TOMM7: variants seen among roughly 807,000 people sequenced by gnomAD.
TOMM7 encodes the protein translocase of outer mitochondrial membrane 7.
A neutral mutation model predicts 9.5 loss-of-function variants in TOMM7; 8 were observed. The observed-to-expected ratio is 0.84, with a 90% CI of 0.49 to 1.51. The LOEUF (loss-of-function observed/expected upper bound fraction) is 1.51. TOMM7 is among the 40% of genes most tolerant of loss of function. TOMM7 has a pLI of 0.00. For missense variants in TOMM7, 74 were observed against 63.7 expected (o/e 1.16, Z -0.55); for synonymous variants, 27 against 21.4 (o/e 1.26, Z -0.72).
chr7:22,819,911 G>A (rs1782365260), intron 1 of TOMM7, among the ~76,000 whole-genome samples: 3 of 152,146 alleles, frequency 2.0e-5, no homozygotes, highest in South Asian at 4.1e-4. Context: ...CTCTATTATC[G>A]TGCCACTGCT....
intron 1 of TOMM7, chr7:22,822,068 TG>T: frequency 6.9e-7 from 1 of 1,448,466 alleles, no homozygotes; most frequent in East Asian, 2.5e-5. Flanking sequence ...TGGGCTCTGA[TG>T]CCCCACTGCC....
At chr7:22,819,456 C>T (rs1481750265) in intron 1 of TOMM7, among the ~76,000 whole-genome samples, 1 of 152,094 alleles carries the variant, frequency 6.6e-6, no homozygotes, top group Non-Finnish European at 1.5e-5. Flanking sequence ...CAACCTTCAC[C>T]TACTCCCGGG....
In TOMM7 at chr7:22,822,685, A is replaced by G; in HGVS notation, c.95T>C (p.Ile32Thr). The G allele has an allele frequency of 6.2e-7, 1 of 1,613,690 alleles. No individual in the cohort carries two copies. Among genetic ancestry groups the G allele is most frequent in the Non-Finnish European group, 8.5e-7 (1 of 1,179,630 alleles). The change falls in exon 1 of 3, where the codon ATT (isoleucine) becomes ACT (threonine). Residue 32 changes from isoleucine (I) to threonine (T), a missense_variant. By Grantham distance (89) the Ile-to-Thr change is moderately conservative. Coordinates refer to ENST00000358435, the MANE Select transcript of TOMM7 (RefSeq NM_019059.5). ...GTTCTTCTCCCACTGACCCAGGTAAATCACAAGAGGGATAAAGCCCCAGCG... is the reference window on the plus strand; with the variant it reads ...GTTCTTCTCCCACTGACCCAGGTAAGTCACAAGAGGGATAAAGCCCCAGCG... ...AIRWGFIPLV[I>T]YLGFKRGADP...
rs1933204242 is a variant in TOMM7 at position 22,822,811 on chromosome 7, T to C, written c.-32A>G. 5 of 1,564,580 alleles carry C rather than the reference T, an allele frequency of 3.2e-6. No homozygotes were observed. The African/African-American group carries it at 4.1e-5, about 13-fold the overall frequency. On this transcript the variant is annotated 5_prime_UTR_variant, in exon 1 of 3. Coordinates refer to ENST00000358435, the MANE Select transcript of TOMM7 (RefSeq NM_019059.5). Reference sequence around the variant, plus strand: ...GGCCGTGTGGCGCAGGGAGGACCCCTTACAGCAACCACAGCGTCGGGAATC... The same window carrying C: ...GGCCGTGTGGCGCAGGGAGGACCCCCTACAGCAACCACAGCGTCGGGAATC...
intron 1 of TOMM7, chr7:22,822,298 C>T: frequency 3.9e-6 from 6 of 1,544,982 alleles, no homozygotes; most frequent in Non-Finnish European, 4.4e-6. Flanking sequence ...GAACAGGACT[C>T]TTTCCACTTA....
intron 1 of TOMM7, among the ~76,000 whole-genome samples, chr7:22,820,281 C>T (rs1225266009): frequency 1.3e-5 from 2 of 152,128 alleles, no homozygotes; most frequent in African/African-American, 4.8e-5. Flanking sequence ...TCTCATATAA[C>T]TTGAATTGAA....
chr7:22,815,748 C>T (rs532600067), intron 2 of TOMM7, among the ~76,000 whole-genome samples: 1 of 151,748 alleles, frequency 6.6e-6, no homozygotes, highest in Admixed American at 6.6e-5. Flanking sequence ...TTCGGGAGGT[C>T]GAGGCAGGAT....
chr7:22,822,648 G>C (rs1405415433), intron 1 of TOMM7, 29 bp downstream of exon 1: 1 of 1,589,750 alleles, frequency 6.3e-7, no homozygotes, highest in South Asian at 1.1e-5. Flanking sequence ...CTTCCCTCCA[G>C]TCACTTTCCC....
intron 1 of TOMM7, among the ~76,000 whole-genome samples, chr7:22,819,372 A>G (rs936083256): frequency 6.7e-5 from 6 of 89,462 alleles, no homozygotes; most frequent in Admixed American, 6.5e-4. Flanking sequence ...ATAAAACACT[A>G]TTCTTTTTTT....
chr7:22,818,719 A>G (rs1782348203), intron 1 of TOMM7, among the ~76,000 whole-genome samples: 1 of 152,144 alleles, frequency 6.6e-6, no homozygotes, highest in South Asian at 2.1e-4. Context: ...ACAACTCCCA[A>G]ATTATACTGG....
chr7:22,814,227 G>A (rs982929364), intron 2 of TOMM7, among the ~76,000 whole-genome samples: 1 of 151,254 alleles, frequency 6.6e-6, no homozygotes, highest in Non-Finnish European at 1.5e-5. Context: ...GTGCATGCCT[G>A]TAATACCAGC....
At position 22,822,390 on chromosome 7, in the gene TOMM7, G is replaced by C. The variant is rs139669562; in HGVS notation, c.103+287C>G. 9 of 1,103,302 alleles carry C rather than the reference G, an allele frequency of 8.2e-6. No homozygotes were observed. The East Asian group carries it at 1.8e-4, about 22-fold the overall frequency. The allele number at this position is 1,103,302 out of a possible 1,614,324, so 68.3% of individuals were successfully genotyped here. A position where few individuals can be genotyped will look rare whatever the true frequency, so the allele number is the denominator to read the frequency against. On this transcript the variant is annotated intron_variant, in intron 1 of 2. Coordinates refer to ENST00000358435, the MANE Select transcript of TOMM7 (RefSeq NM_019059.5). ...GAATTAGTGACTTTCACATCCACTG[G>C]GGTCATCCAACCCTCCCTACAATCC... is the stretch of plus-strand genomic sequence containing the variant.
intron 1 of TOMM7, chr7:22,822,184 C>T: frequency 6.4e-7 from 1 of 1,550,768 alleles, no homozygotes; most frequent in Non-Finnish European, 8.7e-7. Context: ...TAGAAATCAT[C>T]CAAACCCTTC....
intron 1 of TOMM7, 149 bp from the exon 2 acceptor site, chr7:22,818,197 G>T: frequency 1.6e-6 from 1 of 644,472 alleles, no homozygotes; most frequent in Non-Finnish European, 2.7e-6. Context: ...ATTTACCTAC[G>T]CTACAGAAGT....
At chr7:22,817,448 G>T in intron 2 of TOMM7, 1 of 184,246 alleles carries the variant, frequency 5.4e-6, no homozygotes, top group South Asian at 8.5e-5. Flanking sequence ...TCGCTACGTT[G>T]CCCAGGCTGG....
At chr7:22,821,731 A>G (rs985140339) in intron 1 of TOMM7, among the ~76,000 whole-genome samples, 2 of 151,996 alleles carry the variant, frequency 1.3e-5, no homozygotes, top group Admixed American at 1.3e-4. Context: ...GCCTGGGCAC[A>G]CAGCGACTGT....
chr7:22,818,149 T>C (rs1470267256), intron 1 of TOMM7, 101 bp from the exon 2 acceptor site: 4 of 1,141,034 alleles, frequency 3.5e-6, no homozygotes, highest in Admixed American at 3.8e-5. Flanking sequence ...CAACCTAGGA[T>C]AGTTAGAATG....
chr7:22,815,219 T>C (rs1170298921), intron 2 of TOMM7, among the ~76,000 whole-genome samples: 3 of 152,142 alleles, frequency 2.0e-5, no homozygotes, highest in Non-Finnish European at 4.4e-5. Flanking sequence ...CTTCATCTAG[T>C]CGCTGAAGGT....
At chr7:22,817,520 CTGAGATTACAGGTG>C in intron 2 of TOMM7, 1 of 222,006 alleles carries the variant, frequency 4.5e-6, no homozygotes, top group Non-Finnish European at 9.6e-6. Flanking sequence ...TTCCAAAGTG[CTGAGATTACAGGTG>C]TGAGCCACCA....
Sources: allele counts gnomAD v4.1 joint callset (sites outside exome capture counted in the v4.1 genomes callset), GRCh38; gene constraint gnomAD v4.1.1; transcripts MANE v1.5; gene names NCBI Gene and HGNC (gene_info 2026-07-23, HGNC 2026-07-21).